TANGO6: variants seen among roughly 807,000 people sequenced by gnomAD.
TANGO6 encodes transport and Golgi organization protein 6 homolog.
Under a neutral mutation model 114.2 loss-of-function variants are expected in TANGO6, and 90 were observed. That is an observed-to-expected ratio of 0.79 (90% CI 0.66 to 0.94). TANGO6 has a LOEUF of 0.94. Ranked by LOEUF, TANGO6 falls within the 40% of genes least tolerant of loss-of-function variation. TANGO6 has a pLI of 0.00. For synonymous variants in TANGO6, 477 were observed against 509.8 expected (o/e 0.94, Z 0.87); for missense variants, 1,274 against 1,315.3 (o/e 0.97, Z 0.49).
chr16:69,017,918 T>G lies in TANGO6; in HGVS notation c.2843-4910T>G, dbSNP rs1252916630. ...TTGGAAATCTTTTTTTTTTTTTTTT[T>G]GAGAGACAGAGTCTCACCCTTGTTG... On this transcript the variant is annotated intron_variant, in intron 15 of 17. Transcript: ENST00000261778. 4.7e-5 allele frequency among the ~76,000 whole-genome samples: 7 copies of G among 150,302 alleles called. No homozygotes were observed. The East Asian group carries it at 1.4e-3, about 29-fold the overall frequency.
intron 14 of TANGO6, among the ~76,000 whole-genome samples, chr16:68,970,397 G>A (rs1356743920): frequency 3.3e-5 from 5 of 152,214 alleles, no homozygotes; most frequent in Non-Finnish European, 5.9e-5. Flanking sequence ...GCCCGGCACG[G>A]TGGCTCATGC....
At chr16:69,080,458 G>A (rs1201118452) in intron 17 of TANGO6, among the ~76,000 whole-genome samples, 4 of 152,200 alleles carry the variant, frequency 2.6e-5, no homozygotes, top group Non-Finnish European at 4.4e-5. Flanking sequence ...GGCTGAGATG[G>A]AGGATTGCTG....
chr16:68,965,828 A>T (rs1963639863), intron 14 of TANGO6, among the ~76,000 whole-genome samples: 1 of 152,130 alleles, frequency 6.6e-6, no homozygotes, highest in Admixed American at 6.5e-5. Context: ...TAAAATTTTT[A>T]AAATAAGAAA....
At position 68,860,435 on chromosome 16, in the gene TANGO6, T is replaced by A; in HGVS notation, c.646T>A (p.Phe216Ile). Residue 216 changes from phenylalanine to isoleucine, a missense_variant, in exon 2 of 18, where the codon TTC (phenylalanine) becomes ATC (isoleucine). Transcript: ENST00000261778. Reference protein sequence around the residue: ...AQHTSLGSLIFCHHFGDIAAG... With the variant: ...AQHTSLGSLIICHHFGDIAAG... ...GCACACATCTCTGGGGAGCTTGATC[T>A]TCTGCCACCACTTTGGGGATATCGC... The A allele has an allele frequency of 6.2e-7, 1 of 1,614,052 alleles. No individual in the cohort carries two copies. The highest frequency in any genetic ancestry group is 8.5e-7 in the Non-Finnish European group (1 of 1,179,908).
chr16:69,069,920 T>C (rs772529379), intron 17 of TANGO6, among the ~76,000 whole-genome samples: 89 of 151,878 alleles, frequency 5.9e-4, no homozygotes, highest in Non-Finnish European at 9.4e-4. Flanking sequence ...GAAAATAAAG[T>C]AGTGGGCCAG....
chr16:68,843,867 T>A (rs1961762867), intron 1 of TANGO6, among the ~76,000 whole-genome samples, 156 bp downstream of exon 1: 1 of 152,198 alleles, frequency 6.6e-6, no homozygotes, highest in Admixed American at 6.5e-5. Flanking sequence ...ATGCCCGTCC[T>A]CATTACGTTC....
At chr16:68,973,020 G>T in intron 14 of TANGO6, 1 of 413,790 alleles carries the variant, frequency 2.4e-6, no homozygotes, top group Non-Finnish European at 4.8e-6. Context: ...ACAAAGGAAG[G>T]CGGGGGATGG....
chr16:69,029,919 C>A (rs895123581), intron 16 of TANGO6, among the ~76,000 whole-genome samples: 4 of 151,576 alleles, frequency 2.6e-5, no homozygotes, highest in African/African-American at 9.7e-5. Flanking sequence ...ACCAGCCTGG[C>A]CAACATGGTT....
intron 14 of TANGO6, among the ~76,000 whole-genome samples, chr16:68,959,109 A>G (rs1490463509): frequency 1.3e-5 from 2 of 152,248 alleles, no homozygotes; most frequent in African/African-American, 2.4e-5. Flanking sequence ...ATATTTTAGG[A>G]AAGAATTCTT....
intron 17 of TANGO6, among the ~76,000 whole-genome samples, chr16:69,042,663 A>G (rs925125727): frequency 3.3e-5 from 5 of 152,208 alleles, no homozygotes; most frequent in Admixed American, 2.6e-4. Context: ...TGGGGGACAT[A>G]TAGATCATAG....
chr16:68,917,996 T>G (rs1344097399), intron 11 of TANGO6, among the ~76,000 whole-genome samples: 1 of 151,322 alleles, frequency 6.6e-6, no homozygotes, highest in Non-Finnish European at 1.5e-5. Context: ...CTCAGCTCAC[T>G]GCAACCTCCA....
At position 68,904,387 on chromosome 16, in the gene TANGO6, T is replaced by TG. The variant is rs574247643; in HGVS notation, c.1667+1884dup. ...TTTTGGCTTTTCCTTTAACATAGAA[T>TG]GTTGTGGAGAAAACATGACTGATCT... is the stretch of plus-strand genomic sequence containing the variant. On this transcript the variant is annotated intron_variant, in intron 9 of 17. Transcript: ENST00000261778. Among the ~76,000 whole-genome samples the TG allele has an allele frequency of 4.6e-5, 7 of 152,330 alleles. No homozygotes were observed. In the South Asian group the frequency reaches 1.5e-3, roughly 32 times the overall value.
At chr16:68,925,635 T>G (rs1963157105) in intron 12 of TANGO6, among the ~76,000 whole-genome samples, 1 of 152,234 alleles carries the variant, frequency 6.6e-6, no homozygotes, top group South Asian at 2.1e-4. Flanking sequence ...GGTTTTTAAC[T>G]ATTTCTTTCA....
intron 1 of TANGO6, among the ~76,000 whole-genome samples, chr16:68,856,194 G>C (rs892445443): frequency 1.3e-5 from 2 of 152,148 alleles, no homozygotes; most frequent in African/African-American, 4.8e-5. Context: ...GACATCCTGT[G>C]TTTATTTTAC....
At chr16:69,080,241 T>C (rs200791212) in intron 17 of TANGO6, among the ~76,000 whole-genome samples, 1 of 151,818 alleles carries the variant, frequency 6.6e-6, no homozygotes, top group African/African-American at 2.4e-5. Context: ...GGGGAAAAAA[T>C]ATGGTACACA....
intron 14 of TANGO6, among the ~76,000 whole-genome samples, chr16:68,939,929 G>A (rs1963334775): frequency 6.6e-6 from 1 of 152,030 alleles, no homozygotes; most frequent in Non-Finnish European, 1.5e-5. Context: ...GGGACTGCCT[G>A]TGATTCATGA....
chr16:68,860,644 C>A, intron 2 of TANGO6, 120 bp downstream of exon 2: 1 of 1,267,758 alleles, frequency 7.9e-7, no homozygotes, highest in Non-Finnish European at 1.1e-6. Flanking sequence ...TATGCCAAAG[C>A]ATATCCAATG....
At chr16:69,047,981 A>G (rs1304354219) in intron 17 of TANGO6, among the ~76,000 whole-genome samples, 1 of 152,198 alleles carries the variant, frequency 6.6e-6, no homozygotes, top group Non-Finnish European at 1.5e-5. Context: ...CAGCTTTAGA[A>G]TTAATTCCTT....
At chr16:69,056,873 G>A (rs1329138367) in intron 17 of TANGO6, among the ~76,000 whole-genome samples, 4 of 151,900 alleles carry the variant, frequency 2.6e-5, no homozygotes, top group Non-Finnish European at 4.4e-5. Context: ...GTAGAGACGG[G>A]GTTTCACCGT....
Sources: allele counts gnomAD v4.1 joint callset (sites outside exome capture counted in the v4.1 genomes callset), GRCh38; gene constraint gnomAD v4.1.1; transcripts MANE v1.5; gene names NCBI Gene and HGNC (gene_info 2026-07-23, HGNC 2026-07-21).